The following DENND5B variants were observed in gnomAD, a reference collection of about 807,000 sequenced individuals.
DENND5B encodes DENN domain-containing protein 5B.
In DENND5B, 34 loss-of-function variants were observed where a neutral mutation model predicts 140.6. The ratio of observed to expected loss-of-function variants is 0.24; its 90% CI spans 0.18 to 0.32. The LOEUF is 0.32. Among genes scored for constraint, DENND5B ranks in the 10% least tolerant of loss-of-function variants. DENND5B has a pLI of 1.00. For synonymous variants in DENND5B, 551 were observed against 562.1 expected, an observed-to-expected ratio of 0.98 and a Z score of 0.28; for missense variants, 1,142 against 1,560.2, an observed-to-expected ratio of 0.73 and a Z score of 4.52.
chr12:31,406,812 C>T (rs1798781), intron 14 of DENND5B, among the ~76,000 whole-genome samples: 141,199 of 152,248 alleles, frequency 0.93, 65,935 homozygotes, highest in East Asian at 0.99. Flanking sequence ...CTACTTCTTA[C>T]TTATTTAGAG....
chr12:31,455,350 G>C (rs916722860), intron 4 of DENND5B, among the ~76,000 whole-genome samples: 6 of 152,138 alleles, frequency 3.9e-5, no homozygotes, highest in African/African-American at 1.4e-4. Flanking sequence ...CTACAAAGTA[G>C]GAGTTCCAAC....
intron 3 of DENND5B, among the ~76,000 whole-genome samples, chr12:31,463,683 C>A (rs1244937326): frequency 6.6e-6 from 1 of 151,452 alleles, no homozygotes; most frequent in Non-Finnish European, 1.5e-5. Context: ...TTTTTGAGAT[C>A]GAGTTTTCAC....
intron 1 of DENND5B, among the ~76,000 whole-genome samples, chr12:31,571,781 G>A (rs748946427): frequency 1.3e-5 from 2 of 152,064 alleles, no homozygotes; most frequent in Non-Finnish European, 2.9e-5. Flanking sequence ...TAATTTTTGT[G>A]TATTTTTAGT....
In DENND5B at chr12:31,386,200, G is replaced by A; in HGVS notation, c.*1403C>T. 6.5e-6 allele frequency: 1 copy of A among 154,894 alleles called. No individual in the cohort carries two copies. Among genetic ancestry groups the A allele is most frequent in the Middle Eastern group, 5.2e-4 (1 of 1,926 alleles). 9.6% of individuals were successfully genotyped at this position (154,894 alleles called of 1,614,324 possible). ...GGCTTTGCTTTTCAGCCACAACTGG[G>A]AATAAAACTGGGAGCTCTGCTGAGG... On this transcript the variant is annotated 3_prime_UTR_variant, in exon 21 of 21. Transcript: ENST00000389082.
intron 1 of DENND5B, among the ~76,000 whole-genome samples, chr12:31,503,178 T>C (rs1408099611): frequency 1.3e-5 from 2 of 152,136 alleles, no homozygotes; most frequent in African/African-American, 2.4e-5. Flanking sequence ...TTTACAGGGA[T>C]AACAGCTACT....
At chr12:31,490,779 CT>C (rs775030023) in intron 2 of DENND5B, among the ~76,000 whole-genome samples, 14 of 152,178 alleles carry the variant, frequency 9.2e-5, no homozygotes, top group Non-Finnish European at 1.3e-4. Flanking sequence ...TCCTTTTACT[CT>C]TACAAGATAA....
intron 14 of DENND5B, among the ~76,000 whole-genome samples, chr12:31,403,522 G>A (rs1941932227): frequency 6.6e-6 from 1 of 151,370 alleles, no homozygotes; most frequent in Non-Finnish European, 1.5e-5. Context: ...GAACCCGGGA[G>A]GCAGAGGTTG....
chr12:31,434,940 A>G (rs1348454761), intron 7 of DENND5B, among the ~76,000 whole-genome samples: 1 of 152,060 alleles, frequency 6.6e-6, no homozygotes, highest in Non-Finnish European at 1.5e-5. Flanking sequence ...CTCCCATTAC[A>G]TTAGCTCTTC....
chr12:31,411,888 G>A lies in DENND5B; in HGVS notation c.2681+1548C>T, dbSNP rs540348190. 3.3e-5 allele frequency among the ~76,000 whole-genome samples: 5 copies of A among 152,264 alleles called. No individual in the cohort carries two copies. The South Asian group carries it at 1.0e-3, about 32-fold the overall frequency. On this transcript the variant is annotated intron_variant, in intron 13 of 20. Transcript: ENST00000389082. ...TTTGTTGAATTCTCTGCCTAACTTT[G>A]CTCCTTAGAAGTCAAAGTCCTTAGC...
rs1009675687 is a variant in DENND5B, at chr12:31,581,517, C to T, written c.127+9189G>A. On this transcript the variant is annotated intron_variant, in intron 1 of 20. Transcript: ENST00000389082. ...CAGCCTGACCAACATGGTGAAACTC[C>T]GTCTCTACTAAAAATACAAAAAAAA... Among the ~76,000 whole-genome samples, 4 of 151,776 alleles carry T rather than the reference C, an allele frequency of 2.6e-5. No homozygotes were observed. The South Asian group carries it at 6.3e-4, about 24-fold the overall frequency.
chr12:31,431,220 C>T (rs1943493363), intron 8 of DENND5B, among the ~76,000 whole-genome samples: 1 of 152,178 alleles, frequency 6.6e-6, no homozygotes, highest in Non-Finnish European at 1.5e-5. Flanking sequence ...GAACTAACTG[C>T]TCTTTAATAC....
At chr12:31,514,896 C>A (rs1312358032) in intron 1 of DENND5B, among the ~76,000 whole-genome samples, 1 of 151,908 alleles carries the variant, frequency 6.6e-6, no homozygotes, top group East Asian at 1.9e-4. Flanking sequence ...CTTTGGGAGG[C>A]TGAAGCAGGA....
chr12:31,479,568 T>TA, intron 3 of DENND5B, 21 bp downstream of exon 3: 1 of 1,462,926 alleles, frequency 6.8e-7, no homozygotes, highest in Non-Finnish European at 9.0e-7. Flanking sequence ...TTGGAAAATG[T>TA]AAAATCCAAG....
intron 1 of DENND5B, among the ~76,000 whole-genome samples, chr12:31,523,409 C>T (rs1043812706): frequency 2.0e-5 from 3 of 152,124 alleles, no homozygotes; most frequent in Non-Finnish European, 1.5e-5. Flanking sequence ...GGAGACAAGA[C>T]TGAGATTGTT....
chr12:31,445,686 C>CTTT, intron 6 of DENND5B, among the ~76,000 whole-genome samples: 1 of 137,882 alleles, frequency 7.3e-6, no homozygotes, highest in Non-Finnish European at 1.5e-5. Context: ...GCCTGAGTGA[C>CTTT]AGCGAGATTC....
At chr12:31,535,732 C>T (rs1370970381) in intron 1 of DENND5B, among the ~76,000 whole-genome samples, 2 of 152,168 alleles carry the variant, frequency 1.3e-5, no homozygotes, top group African/African-American at 4.8e-5. Context: ...CTCTTCAATG[C>T]CCAGACACCA....
chr12:31,540,281 G>A (rs1043070099), intron 1 of DENND5B, among the ~76,000 whole-genome samples: 3 of 152,108 alleles, frequency 2.0e-5, no homozygotes, highest in Admixed American at 2.0e-4. Flanking sequence ...TTGTTAAAAT[G>A]CCCATTCTCC....
In DENND5B at chr12:31,398,186, C is replaced by T; in HGVS notation, c.3245G>A (p.Gly1082Glu). 1 of 1,593,296 alleles carries T rather than the reference C, an allele frequency of 6.3e-7. No homozygotes were observed. Among genetic ancestry groups the T allele is most frequent in the East Asian group, 2.3e-5 (1 of 44,196 alleles). ...ARRLSITSLT[G>E]KNNKPNAGQI... ...TTAAATAAATTTACTGTTGTTTTTT[C>T]CTGTCAGTGAAGTGATGCTCAATCT... Residue 1082 changes from glycine to glutamate, a missense_variant, in exon 17 of 21, where the codon GGA becomes GAA. Gly to Glu is a moderately conservative substitution (Grantham distance 98). Around this residue, in one of 5 missense-constraint regions of DENND5B, gnomAD observed 268 missense variants for 349.2 expected, o/e 0.77. Transcript: ENST00000389082.
intron 1 of DENND5B, among the ~76,000 whole-genome samples, chr12:31,513,373 AC>A (rs1477482467): frequency 1.3e-5 from 2 of 152,182 alleles, no homozygotes; most frequent in African/African-American, 4.8e-5. Flanking sequence ...TACCCAACCC[AC>A]ATTTTAGAAA....
Sources: allele counts gnomAD v4.1 joint callset (sites outside exome capture counted in the v4.1 genomes callset), GRCh38; gene constraint gnomAD v4.1.1; regional missense constraint gnomAD v4.1.1; transcripts MANE v1.5; gene names NCBI Gene and HGNC (gene_info 2026-07-23, HGNC 2026-07-21).